The following TCF12 variants were observed in gnomAD, a reference collection of about 807,000 sequenced individuals.
TCF12 encodes transcription factor 12.
Under a neutral mutation model 86.0 loss-of-function variants are expected in TCF12, and 45 were observed. The observed-to-expected ratio is 0.52, with a 90% CI of 0.41 to 0.67. The LOEUF is 0.67. TCF12 is among the 30% of genes least tolerant of loss of function. TCF12 has a pLI of 0.00. For synonymous variants in TCF12, 330 were observed against 299.6 expected, an observed-to-expected ratio of 1.10 and a Z score of -1.05; for missense variants, 881 against 859.9, an observed-to-expected ratio of 1.02 and a Z score of -0.31.
At chr15:57,122,688 T>C (rs2051325609) in intron 5 of TCF12, among the ~76,000 whole-genome samples, 1 of 152,218 alleles carries the variant, frequency 6.6e-6, no homozygotes, top group African/African-American at 2.4e-5. Context: ...ATCCCATCAT[T>C]TTATTTCCTG....
chr15:57,187,540 A>C lies in TCF12; in HGVS notation c.391-4618A>C, dbSNP rs147463378. Among the ~76,000 whole-genome samples the C allele has an allele frequency of 2.6e-3, 397 of 152,280 alleles. 6 individuals are homozygous for C. Among genetic ancestry groups the C allele is most frequent in the Admixed American group, 0.023 (348 of 15,290 alleles). ...ATAATAATAATTGCAAAAAAATCTC[A>C]TAATGTTTTAAGAAAGTTTACAAAT... On this transcript the variant is annotated intron_variant, in intron 6 of 20. Transcript: ENST00000333725.
At chr15:57,036,526 T>G (rs2066516013) in intron 3 of TCF12, among the ~76,000 whole-genome samples, 1 of 152,208 alleles carries the variant, frequency 6.6e-6, no homozygotes, top group South Asian at 2.1e-4. Flanking sequence ...TTTTATCTCT[T>G]TAATTATAGC....
At chr15:57,101,327 C>T (rs1293299469) in intron 5 of TCF12, among the ~76,000 whole-genome samples, 4 of 152,088 alleles carry the variant, frequency 2.6e-5, no homozygotes, top group African/African-American at 7.2e-5. Flanking sequence ...CACTCAGCCT[C>T]CCAAGTAGCT....
chr15:56,968,383 TG>T (rs1254813339), intron 3 of TCF12, among the ~76,000 whole-genome samples: 29 of 147,554 alleles, frequency 2.0e-4, no homozygotes, highest in African/African-American at 6.8e-4. Flanking sequence ...TTTTTTGAAA[TG>T]GGGGTCTCAC....
chr15:57,110,233 A>C (rs545299388), intron 5 of TCF12, among the ~76,000 whole-genome samples: 1 of 152,306 alleles, frequency 6.6e-6, no homozygotes, highest in East Asian at 1.9e-4. Context: ...AATGTGATCA[A>C]GGTAGGCTAA....
At chr15:57,165,533 G>A (rs1189618021) in intron 5 of TCF12, among the ~76,000 whole-genome samples, 2 of 149,512 alleles carry the variant, frequency 1.3e-5, no homozygotes, top group South Asian at 2.1e-4. Context: ...TGTCTATACT[G>A]TATTAATTTT....
intron 3 of TCF12, among the ~76,000 whole-genome samples, chr15:57,014,442 C>G (rs1242136602): frequency 6.6e-6 from 1 of 151,972 alleles, no homozygotes; most frequent in African/African-American, 2.4e-5. Context: ...AAATTTCTGA[C>G]CTTCTCTCAT....
intron 3 of TCF12, among the ~76,000 whole-genome samples, chr15:56,969,040 T>C (rs147877514): frequency 1.3e-5 from 2 of 152,324 alleles, no homozygotes; most frequent in Non-Finnish European, 2.9e-5. Flanking sequence ...GAAGCAGTTA[T>C]ATGTATTTGT....
chr15:57,060,780 T>G lies in TCF12; in HGVS notation c.149-2970T>G, dbSNP rs549551001. 4.6e-5 allele frequency among the ~76,000 whole-genome samples: 7 copies of G among 152,366 alleles called. No homozygotes were observed. The South Asian group carries it at 1.4e-3, about 32-fold the overall frequency. On this transcript the variant is annotated intron_variant, in intron 3 of 20. Coordinates refer to ENST00000333725, the MANE Select transcript of TCF12 (RefSeq NM_207037.2). ...GATTTTGGTCAATTTGTATAATATC[T>G]GTGTTAAGTTTTATCTTCTGTGTGT...
At chr15:57,280,612 G>A (rs1207480899) in intron 19 of TCF12, among the ~76,000 whole-genome samples, 1 of 152,114 alleles carries the variant, frequency 6.6e-6, no homozygotes, top group Non-Finnish European at 1.5e-5. Context: ...GCACTTGCTG[G>A]TAGTCCCAGC....
chr15:57,116,328 A>AT (rs2050834927), intron 5 of TCF12, among the ~76,000 whole-genome samples: 1 of 152,092 alleles, frequency 6.6e-6, no homozygotes, highest in Non-Finnish European at 1.5e-5. Context: ...ATATTCTATT[A>AT]TTTTTTACTG....
chr15:57,052,440 C>T (rs1213631696), intron 3 of TCF12, among the ~76,000 whole-genome samples: 2 of 151,940 alleles, frequency 1.3e-5, no homozygotes, highest in African/African-American at 4.8e-5. Context: ...GAGTTAAAGA[C>T]AGCCTGGCTA....
At chr15:57,030,415 CTT>C (rs1458658743) in intron 3 of TCF12, among the ~76,000 whole-genome samples, 1 of 152,224 alleles carries the variant, frequency 6.6e-6, no homozygotes, top group African/African-American at 2.4e-5. Flanking sequence ...ACCTGGCTAA[CTT>C]TATTTATTTT....
At chr15:57,037,826 C>A (rs375600172) in intron 3 of TCF12, among the ~76,000 whole-genome samples, 14 of 152,120 alleles carry the variant, frequency 9.2e-5, no homozygotes, top group African/African-American at 3.4e-4. Context: ...TGGCAAAAAA[C>A]CAGTGTTCCT....
intron 3 of TCF12, among the ~76,000 whole-genome samples, chr15:57,008,147 C>G (rs1290697988): frequency 6.8e-6 from 1 of 147,650 alleles, no homozygotes; most frequent in Admixed American, 6.8e-5. Flanking sequence ...TTTTTTTTCC[C>G]TGTAGAGATG....
chr15:57,271,895 TTTA>T (rs796788402), intron 18 of TCF12, among the ~76,000 whole-genome samples: 13 of 152,362 alleles, frequency 8.5e-5, no homozygotes, highest in African/African-American at 2.9e-4. Context: ...GTAAAAGTTA[TTTA>T]ACAGCCACCT....
intron 8 of TCF12, among the ~76,000 whole-genome samples, chr15:57,229,735 G>T (rs866064457): frequency 1.3e-5 from 2 of 151,764 alleles, no homozygotes; most frequent in African/African-American, 4.8e-5. Flanking sequence ...TGCATACTTC[G>T]TACAAGGCAC....
At chr15:57,086,081 AT>A (rs1410309892) in intron 4 of TCF12, among the ~76,000 whole-genome samples, 2 of 151,784 alleles carry the variant, frequency 1.3e-5, no homozygotes, top group East Asian at 3.9e-4. Context: ...TCCCTTTGTC[AT>A]TTGTTCAGCA....
At chr15:56,932,156 T>A (rs867273583) in intron 3 of TCF12, among the ~76,000 whole-genome samples, 1 of 152,158 alleles carries the variant, frequency 6.6e-6, no homozygotes, top group East Asian at 1.9e-4. Context: ...CACTGAATGA[T>A]TGGGAGAAGG....
Sources: gnomAD v4.1 joint callset for allele counts (sites outside exome capture counted in the v4.1 genomes callset) on GRCh38, gnomAD v4.1.1 for gene constraint, MANE v1.5 for transcripts, NCBI Gene and HGNC (gene_info 2026-07-23, HGNC 2026-07-21) for gene names.